The following PIEZO2 variants were observed in gnomAD, a reference collection of about 807,000 sequenced individuals.
The protein encoded by PIEZO2 is piezo type mechanosensitive ion channel component 2.
Under a neutral mutation model 337.3 loss-of-function variants are expected in PIEZO2, and 172 were observed. The observed-to-expected ratio is 0.51, with a 90% confidence interval of 0.45 to 0.58. The LOEUF is 0.58. PIEZO2 is among the 20% of genes least tolerant of loss of function. PIEZO2 has a pLI of 0.00. For missense variants in PIEZO2, 3,028 were observed against 3,391.3 expected (o/e 0.89, Z 2.66); for synonymous variants, 1,251 against 1,228.5 (o/e 1.02, Z -0.38).
At chr18:10,840,977 A>G (rs901119673) in intron 7 of PIEZO2, among the ~76,000 whole-genome samples, 1 of 152,220 alleles carries the variant, frequency 6.6e-6, no homozygotes, top group African/African-American at 2.4e-5. Context: ...GCAGTTCCTG[A>G]TAAAGGAAAG....
chr18:10,971,944 C>T (rs1367184907), intron 3 of PIEZO2, among the ~76,000 whole-genome samples: 10 of 152,054 alleles, frequency 6.6e-5, no homozygotes, highest in Admixed American at 5.9e-4. Flanking sequence ...CTCACTTTCC[C>T]TACCAGTAAT....
intron 2 of PIEZO2, among the ~76,000 whole-genome samples, chr18:11,056,577 G>C (rs1323006521): frequency 6.6e-6 from 1 of 152,190 alleles, no homozygotes; most frequent in Non-Finnish European, 1.5e-5. Context: ...ATTAAATAGA[G>C]AGGATTGGTT....
rs531157274 is a variant in PIEZO2 at position 11,017,612 on chromosome 18, T to G, written c.161-37952A>C. Among the ~76,000 whole-genome samples, 15 of 152,248 alleles carry G rather than the reference T, an allele frequency of 9.9e-5. 1 individual carries two copies. Among genetic ancestry groups the G allele is most frequent in the African/African-American group, 3.6e-4 (15 of 41,538 alleles). The stretch of plus-strand genomic sequence containing the variant: ...CATACCCATTTATTTTCTCAGAGTT[T>G]ATGGGTGTTGTACTGCAGAATGGTT... On this transcript the variant is annotated intron_variant, in intron 2 of 55. Coordinates refer to ENST00000674853, the MANE Select transcript of PIEZO2 (RefSeq NM_001378183.1).
rs2033716496 is a variant in PIEZO2 at position 10,670,335 on chromosome 18, A to G, written c.*1192T>C. On this transcript the variant is annotated 3_prime_UTR_variant, in exon 56 of 56. Transcript: ENST00000674853. ...TTGACATATTCTAGTCCATTCAATG[A>G]TTCTTCTCAGAAACTGTATCTTAAT... 1 of 152,210 alleles carries G rather than the reference A, an allele frequency of 6.6e-6. No homozygotes were observed. Among genetic ancestry groups the G allele is most frequent in the Non-Finnish European group, 1.5e-5 (1 of 68,028 alleles). 9.4% of individuals were successfully genotyped at this position (152,210 alleles called of 1,614,324 possible). A position where few individuals can be genotyped will look rare whatever the true frequency, so the allele number is the denominator to read the frequency against.
chr18:10,895,456 A>G lies in PIEZO2; in HGVS notation c.329+15730T>C, dbSNP rs1172066144. Among the ~76,000 whole-genome samples, 1 of 151,984 alleles carries G rather than the reference A, an allele frequency of 6.6e-6. No individual in the cohort carries two copies. Among genetic ancestry groups the G allele is most frequent in the Non-Finnish European group, 1.5e-5 (1 of 67,996 alleles). Reference sequence around the variant, plus strand: ...GCAAGACTCCGTCTCAAAAATAATAATAATAATAGTAAGTCAAAAAAGAAA... The same window carrying G: ...GCAAGACTCCGTCTCAAAAATAATAGTAATAATAGTAAGTCAAAAAAGAAA... On this transcript the variant is annotated intron_variant, in intron 4 of 55. Transcript: ENST00000674853. The surrounding 1 kb of genome is among the most constrained non-coding windows in gnomAD (Gnocchi z 4.8).
rs1402247213 is a variant in PIEZO2, at chr18:10,696,484, C to G, written c.6883G>C (p.Glu2295Gln). The stretch of plus-strand genomic sequence containing the variant: ...TACACGTCAGTCACGGCGCTATACT[C>G]CGGGTGGATGAGGTTGTAAAAGAAC... ...KQFFYNLIHP[E>Q]YSAVTDVYVL... The change falls in exon 46 of 56, where the codon GAG (glutamate) becomes CAG (glutamine). Residue 2295 changes from glutamate to glutamine, a missense_variant. Glu to Gln is a conservative substitution (Grantham distance 29). Transcript: ENST00000674853. The G allele has an allele frequency of 6.2e-7, 1 of 1,614,120 alleles. No individual in the cohort carries two copies. Among genetic ancestry groups the G allele is most frequent in the Non-Finnish European group, 8.5e-7 (1 of 1,180,042 alleles).
At chr18:10,701,845 TAAA>T (rs56768357) in intron 43 of PIEZO2, 141 bp downstream of exon 43, 91 of 316,266 alleles carry the variant, frequency 2.9e-4, no homozygotes, top group South Asian at 1.2e-3. Flanking sequence ...TTTTTTTTTT[TAAA>T]AAAAACATAT....
intron 21 of PIEZO2, among the ~76,000 whole-genome samples, chr18:10,763,637 C>A (rs944748387): frequency 2.0e-5 from 3 of 152,156 alleles, no homozygotes; most frequent in African/African-American, 2.4e-5. Context: ...TTTGATGGAT[C>A]CTTTTTACAC....
intron 33 of PIEZO2, 54 bp downstream of exon 33, chr18:10,740,977 C>T: frequency 6.7e-7 from 1 of 1,502,438 alleles, no homozygotes; most frequent in Admixed American, 2.0e-5. Context: ...GAATTCTGGT[C>T]AAGGATATAA....
chr18:10,738,927 C>CTGCTTACTAATAACATCAAGAACAT (rs1206609099), intron 33 of PIEZO2: 1 of 152,194 alleles, frequency 6.6e-6, no homozygotes, highest in Non-Finnish European at 1.5e-5. Context: ...AAAATCTTCA[C>CTGCTTACTAATAACATCAAGAACAT]TGCTTACTAA....
At chr18:11,123,627 T>C (rs997967795) in intron 1 of PIEZO2, among the ~76,000 whole-genome samples, 6 of 152,032 alleles carry the variant, frequency 3.9e-5, no homozygotes, top group East Asian at 1.9e-4. Flanking sequence ...GCTAACACGA[T>C]GAAACCCCAT....
At chr18:11,050,419 C>A (rs1413064390) in intron 2 of PIEZO2, among the ~76,000 whole-genome samples, 1 of 152,088 alleles carries the variant, frequency 6.6e-6, no homozygotes, top group East Asian at 1.9e-4. Context: ...ATCGCACTGC[C>A]TCTTCAAATG....
chr18:10,799,061 T>C (rs921418623), intron 11 of PIEZO2, among the ~76,000 whole-genome samples: 2 of 152,128 alleles, frequency 1.3e-5, no homozygotes, highest in East Asian at 3.8e-4. Context: ...TACAGTTAAG[T>C]ATTAAGAAGC....
At chr18:10,761,990 A>G (rs1357844375) in intron 23 of PIEZO2, among the ~76,000 whole-genome samples, 1 of 152,234 alleles carries the variant, frequency 6.6e-6, no homozygotes, top group Non-Finnish European at 1.5e-5. Context: ...TTACTTCTAG[A>G]TGTAGTAGAT....
rs886365171 is a variant in PIEZO2 at position 10,824,559 on chromosome 18, T to G, written c.918-17285A>C. Among the ~76,000 whole-genome samples, 2 of 152,204 alleles carry G rather than the reference T, an allele frequency of 1.3e-5. No individual in the cohort carries two copies. The highest frequency in any genetic ancestry group is 2.9e-5 in the Non-Finnish European group (2 of 68,034). On this transcript the variant is annotated intron_variant, in intron 7 of 55. Transcript: ENST00000674853. This position sits in a 1 kb window ranked among gnomAD's most constrained non-coding sequence, Gnocchi z 4.4. Reference sequence around the variant, plus strand: ...TAACTTATGACATATATATGTATATTATGGAATACTATGCATCCATTTAAA... The same window carrying G: ...TAACTTATGACATATATATGTATATGATGGAATACTATGCATCCATTTAAA...
At chr18:10,799,295 C>T (rs2039720104) in intron 11 of PIEZO2, among the ~76,000 whole-genome samples, 1 of 152,202 alleles carries the variant, frequency 6.6e-6, no homozygotes, top group Non-Finnish European at 1.5e-5. Context: ...TTTATAGTCG[C>T]TTTGTAATTC....
rs1186351616 is a variant in PIEZO2 at position 10,676,136 on chromosome 18, T to C, written c.8082-848A>G. ...GCCTGGACCTCGAGTGACCTCTGCC[T>C]CCCACAAGCCCAGTGCCTTCAATAC... On this transcript the variant is annotated intron_variant, in intron 53 of 55. Transcript: ENST00000674853. This position sits in a 1 kb window ranked among gnomAD's most constrained non-coding sequence, Gnocchi z 5.1. Among the ~76,000 whole-genome samples the C allele has an allele frequency of 1.3e-5, 2 of 152,182 alleles. No homozygotes were observed. The highest frequency in any genetic ancestry group is 2.9e-5 in the Non-Finnish European group (2 of 68,036).
At position 10,726,042 on chromosome 18, in the gene PIEZO2, G is replaced by A. The variant is rs2036522226; in HGVS notation, c.5029+5365C>T. 6.6e-6 allele frequency among the ~76,000 whole-genome samples: 1 copy of A among 152,176 alleles called. No homozygotes were observed. Among genetic ancestry groups the A allele is most frequent in the South Asian group, 2.1e-4 (1 of 4,830 alleles). On this transcript the variant is annotated intron_variant, in intron 36 of 55. Coordinates refer to ENST00000674853, the MANE Select transcript of PIEZO2 (RefSeq NM_001378183.1). This position sits in a 1 kb window ranked among gnomAD's most constrained non-coding sequence, Gnocchi z 5.9. ...AATAATATGGGCACCCAGGATGTTG[G>A]GCAGGGTGGTATATGTATTCTTGTG...
Position 11,099,338 on chromosome 18 carries a change from T to A in PIEZO2, c.65-33116A>T, listed in dbSNP as rs937988755. 5.9e-5 allele frequency among the ~76,000 whole-genome samples: 9 copies of A among 152,150 alleles called. No individual in the cohort carries two copies. The highest frequency in any genetic ancestry group is 5.2e-4 in the Admixed American group (8 of 15,274). ...GTCTCCAAAAAACAAACTTTGAAAA[T>A]TATATATCCCACATAGAAGTTCCTT... On this transcript the variant is annotated intron_variant, in intron 1 of 55. Coordinates refer to ENST00000674853, the MANE Select transcript of PIEZO2 (RefSeq NM_001378183.1). This position sits in a 1 kb window ranked among gnomAD's most constrained non-coding sequence, Gnocchi z 5.4.
Sources: allele counts gnomAD v4.1 joint callset (sites outside exome capture counted in the v4.1 genomes callset), GRCh38; gene constraint gnomAD v4.1.1; non-coding constraint Gnocchi (gnomAD v3.1); transcripts MANE v1.5; gene names NCBI Gene and HGNC (gene_info 2026-07-23, HGNC 2026-07-21).